Variants in ESRRG observed in about 807,000 individuals in gnomAD.
ESRRG encodes the protein estrogen related receptor gamma.
A neutral mutation model predicts 44.0 loss-of-function variants in ESRRG; 13 were observed. That is an observed-to-expected ratio of 0.30 (90% CI 0.19 to 0.47). ESRRG has a LOEUF of 0.47. Ranked by LOEUF, ESRRG falls within the 20% of genes least tolerant of loss-of-function variation. The pLI, the probability that ESRRG is intolerant of heterozygous loss-of-function variation, is 1.00. For synonymous variants in ESRRG, 215 were observed against 214.6 expected, an observed-to-expected ratio of 1.00 and a Z score of -0.02; for missense variants, 395 against 580.6, an observed-to-expected ratio of 0.68 and a Z score of 3.29.
chr1:217,076,671 A>C (rs2091325476), intron 1 of ESRRG, among the ~76,000 whole-genome samples: 1 of 152,180 alleles, frequency 6.6e-6, no homozygotes, highest in Admixed American at 6.5e-5. Flanking sequence ...TTTACGAATT[A>C]ATCTGGAGAC....
At chr1:217,120,480 T>A (rs1407643825) in intron 1 of ESRRG, among the ~76,000 whole-genome samples, 6 of 148,842 alleles carry the variant, frequency 4.0e-5, no homozygotes, top group African/African-American at 1.5e-4. Flanking sequence ...AAAAAAAAAA[T>A]CTGATCATGT....
Position 216,677,507 on chromosome 1 carries a change from T to C in ESRRG, c.57-16A>G. 6.5e-7 allele frequency: 1 copy of C among 1,537,578 alleles called. No individual in the cohort carries two copies. The highest frequency in any genetic ancestry group is 1.2e-5 in the South Asian group (1 of 84,532). ...GCAGAGAAGCCTGAGATTGAGGAGA[T>C]ACAAAGAGAGACAGAAAGAGGAGAG... On this transcript the variant is annotated splice_polypyrimidine_tract_variant and intron_variant, in intron 1 of 6. Transcript: ENST00000408911.
chr1:216,775,339 T>C (rs2093562049), intron 2 of ESRRG, among the ~76,000 whole-genome samples: 1 of 151,976 alleles, frequency 6.6e-6, no homozygotes. Flanking sequence ...TCCATAATCT[T>C]TATCTCTAGC....
At chr1:216,916,258 C>T (rs2061150516) in intron 2 of ESRRG, among the ~76,000 whole-genome samples, 1 of 152,204 alleles carries the variant, frequency 6.6e-6, no homozygotes, top group Non-Finnish European at 1.5e-5. Flanking sequence ...CAGGGACCCT[C>T]AGCTCTCCCT....
Position 216,961,022 on chromosome 1 carries a change from T to C in ESRRG, c.-105-21349A>G, listed in dbSNP as rs2150174341. Among the ~76,000 whole-genome samples, 3 of 152,286 alleles carry C rather than the reference T, an allele frequency of 2.0e-5. No individual in the cohort carries two copies. The East Asian group carries it at 5.8e-4, about 29-fold the overall frequency. On this transcript the variant is annotated intron_variant, in intron 1 of 7. Coordinates refer to the ESRRG transcript ENST00000359162. ...GCTTCTTTCATCAGACATCAAAACA[T>C]ATTACAAAGCTACTGTAAGACAATA...
At chr1:216,813,056 G>T (rs2095026895) in intron 2 of ESRRG, among the ~76,000 whole-genome samples, 1 of 152,158 alleles carries the variant, frequency 6.6e-6, no homozygotes, top group South Asian at 2.1e-4. Context: ...AGCTAGAGGA[G>T]TAACTAGAAT....
chr1:217,088,082 A>T (rs545302467), intron 1 of ESRRG, among the ~76,000 whole-genome samples: 1 of 150,036 alleles, frequency 6.7e-6, no homozygotes, highest in South Asian at 2.1e-4. Context: ...CCCTGAAACC[A>T]CTCCTCAATC....
At chr1:217,048,321 C>G (rs914168889) in intron 1 of ESRRG, among the ~76,000 whole-genome samples, 2 of 152,076 alleles carry the variant, frequency 1.3e-5, no homozygotes, top group African/African-American at 4.8e-5. Context: ...AGATGGAACA[C>G]GGAGTCAGAC....
chr1:217,073,986 A>G (rs1231249584), intron 1 of ESRRG, among the ~76,000 whole-genome samples: 3 of 151,572 alleles, frequency 2.0e-5, no homozygotes, highest in Non-Finnish European at 4.4e-5. Flanking sequence ...GCTTTTTAGT[A>G]TATATGATTA....
intron 3 of ESRRG, among the ~76,000 whole-genome samples, chr1:216,627,536 T>C (rs1167285294): frequency 6.6e-6 from 1 of 152,224 alleles, no homozygotes; most frequent in Admixed American, 6.5e-5. Flanking sequence ...AGGGTCAAGA[T>C]ATAAACATTG....
Position 216,651,040 on chromosome 1 carries a change from C to T in ESRRG, c.522G>A (p.Lys174=). The T allele has an allele frequency of 6.2e-7, 1 of 1,613,536 alleles. No homozygotes were observed. The highest frequency in any genetic ancestry group is 8.5e-7 in the Non-Finnish European group (1 of 1,179,576). The change falls in exon 3 of 7, where the codon AAG becomes AAA. Residue 174 remains lysine (K), a synonymous_variant. Coordinates refer to ENST00000408911, the MANE Select transcript of ESRRG (RefSeq NM_001438.4). ...CPATNECEIT[K]RRRKSCQACR... The stretch of plus-strand genomic sequence containing the variant: ...AAGCCTGGCAGGATTTACGTCTGCG[C>T]TTTGTGATTTCACATTCATTCGTGG...
At chr1:216,655,583 T>C (rs1285209904) in intron 2 of ESRRG, among the ~76,000 whole-genome samples, 1 of 152,174 alleles carries the variant, frequency 6.6e-6, no homozygotes, top group Non-Finnish European at 1.5e-5. Context: ...TCTTCACAAA[T>C]GATATAGTTT....
intron 2 of ESRRG, among the ~76,000 whole-genome samples, chr1:216,873,919 A>G (rs1173126528): frequency 2.4e-5 from 2 of 82,074 alleles, no homozygotes; most frequent in Admixed American, 1.2e-4. Flanking sequence ...AAGGGAAGGG[A>G]AGGGAAGGGA....
At chr1:217,100,336 A>G (rs1359695208) in intron 1 of ESRRG, among the ~76,000 whole-genome samples, 1 of 152,182 alleles carries the variant, frequency 6.6e-6, no homozygotes, top group Non-Finnish European at 1.5e-5. Context: ...CCAACACTCT[A>G]TAATAGGTCA....
chr1:216,513,966 A>G (rs1042381576), intron 6 of ESRRG, among the ~76,000 whole-genome samples: 1 of 152,104 alleles, frequency 6.6e-6, no homozygotes, highest in African/African-American at 2.4e-5. Context: ...TGCTATAATC[A>G]TTTCCTGGAA....
At chr1:216,913,351 G>C (rs2060727377) in intron 2 of ESRRG, among the ~76,000 whole-genome samples, 1 of 151,950 alleles carries the variant, frequency 6.6e-6, no homozygotes, top group African/African-American at 2.4e-5. Flanking sequence ...TTTTATATCA[G>C]GGACTTGAGT....
intron 1 of ESRRG, among the ~76,000 whole-genome samples, chr1:216,984,682 G>T (rs1484039713): frequency 6.6e-6 from 1 of 152,188 alleles, no homozygotes; most frequent in Admixed American, 6.5e-5. Flanking sequence ...TAGGCTACAT[G>T]CTAGAGAAGA....
intron 2 of ESRRG, among the ~76,000 whole-genome samples, chr1:216,873,536 G>T (rs931979371): frequency 2.6e-5 from 4 of 152,070 alleles, no homozygotes; most frequent in Admixed American, 2.6e-4. Context: ...ACATCTTTAT[G>T]AGGTTCTTTT....
At chr1:216,665,235 A>T (rs2073602112) in intron 2 of ESRRG, among the ~76,000 whole-genome samples, 1 of 151,998 alleles carries the variant, frequency 6.6e-6, no homozygotes, top group African/African-American at 2.4e-5. Context: ...CTTTATCAAG[A>T]TATGTATGTA....
Sources: allele counts gnomAD v4.1 joint callset (sites outside exome capture counted in the v4.1 genomes callset), GRCh38; gene constraint gnomAD v4.1.1; transcripts MANE v1.5; gene names NCBI Gene and HGNC (gene_info 2026-07-23, HGNC 2026-07-21).